The following KDM4C variants were observed in gnomAD, a reference collection of about 807,000 sequenced individuals.
KDM4C encodes lysine-specific demethylase 4C.
KDM4C carries 81 observed loss-of-function variants against 129.3 expected under a neutral mutation model. The ratio of observed to expected loss-of-function variants is 0.63; its 90% CI spans 0.52 to 0.75. KDM4C has a LOEUF of 0.75. Among genes scored for constraint, KDM4C ranks in the 30% least tolerant of loss-of-function variants. KDM4C has a pLI of 0.00. For missense variants in KDM4C, 1,457 were observed against 1,304.0 expected (o/e 1.12, Z -1.81); for synonymous variants, 573 against 456.1 (o/e 1.26, Z -3.26).
At chr9:6,774,784 A>C (rs1175752529) in intron 1 of KDM4C, among the ~76,000 whole-genome samples, 2 of 152,246 alleles carry the variant, frequency 1.3e-5, no homozygotes, top group African/African-American at 4.8e-5. Context: ...AAGACATGGT[A>C]TAGTTCTATG....
intron 8 of KDM4C, among the ~76,000 whole-genome samples, chr9:6,909,196 C>T (rs553122316): frequency 1.3e-5 from 2 of 152,282 alleles, no homozygotes; most frequent in Admixed American, 1.3e-4. Context: ...TATGGATAGG[C>T]AGAGAGAGGG....
Position 6,758,064 on chromosome 9 carries a change from T to C in KDM4C, c.-157T>C. 1.0e-6 allele frequency: 1 copy of C among 985,150 alleles called. No individual in the cohort carries two copies. The highest frequency in any genetic ancestry group is 4.7e-5 in the South Asian group (1 of 21,260). The allele number at this position is 985,150 out of a possible 1,614,324, so 61.0% of individuals were successfully genotyped here. A position where few individuals can be genotyped will look rare whatever the true frequency, so the allele number is the denominator to read the frequency against. The stretch of plus-strand genomic sequence containing the variant: ...CGGCGCAGTGATCGGGCGGCCGGGG[T>C]CCTGTGCGCGTGCGCAGCGAACAGC... On this transcript the variant is annotated 5_prime_UTR_variant, in exon 1 of 22. Coordinates refer to ENST00000381309, the MANE Select transcript of KDM4C (RefSeq NM_015061.6). The surrounding 1 kb of genome is among the most constrained non-coding windows in gnomAD (Gnocchi z 4.6).
At chr9:7,165,529 T>C (rs1844291267) in intron 20 of KDM4C, among the ~76,000 whole-genome samples, 172 bp downstream of exon 20, 2 of 152,248 alleles carry the variant, frequency 1.3e-5, no homozygotes, top group African/African-American at 2.4e-5. Context: ...CCCTGGAGTT[T>C]TATTACCAAG....
At chr9:6,821,930 C>T (rs1024284486) in intron 4 of KDM4C, among the ~76,000 whole-genome samples, 6 of 152,264 alleles carry the variant, frequency 3.9e-5, no homozygotes, top group East Asian at 3.9e-4. Context: ...CTGCTGTGCC[C>T]GGCTGGCCCC....
intron 1 of KDM4C, among the ~76,000 whole-genome samples, chr9:6,772,478 C>T (rs1822069422): frequency 1.3e-5 from 2 of 151,262 alleles, no homozygotes; most frequent in East Asian, 4.1e-4. Context: ...TCTCCTGCCT[C>T]ATCCTCCCAA....
At chr9:6,823,445 A>G (rs1037845188) in intron 4 of KDM4C, among the ~76,000 whole-genome samples, 12 of 152,314 alleles carry the variant, frequency 7.9e-5, no homozygotes, top group African/African-American at 2.6e-4. Context: ...CTTTGATGAT[A>G]GTTTTCTGCA....
At chr9:6,861,718 A>G (rs1038701878) in intron 5 of KDM4C, among the ~76,000 whole-genome samples, 2 of 151,834 alleles carry the variant, frequency 1.3e-5, no homozygotes, top group African/African-American at 4.8e-5. Context: ...TTGAGGAATC[A>G]TGCATAAAGT....
intron 13 of KDM4C, among the ~76,000 whole-genome samples, 191 bp downstream of exon 13, chr9:7,012,070 C>T (rs1184575161): frequency 6.6e-6 from 1 of 152,054 alleles, no homozygotes; most frequent in African/African-American, 2.4e-5. Flanking sequence ...TCTGAAAGTA[C>T]TTTATCTTTT....
chr9:6,754,206 C>A (rs72699608), upstream of KDM4C, among the ~76,000 whole-genome samples: 2 of 150,416 alleles, frequency 1.3e-5, no homozygotes, highest in African/African-American at 4.9e-5. Context: ...GTTTTGTTTT[C>A]TTTTCTTTTT....
chr9:6,871,003 C>G (rs1170693313), intron 5 of KDM4C, among the ~76,000 whole-genome samples: 1 of 152,158 alleles, frequency 6.6e-6, no homozygotes, highest in East Asian at 1.9e-4. Context: ...CCTATGGCAG[C>G]TGCCTGTGAC....
chr9:6,791,301 T>A (rs757855804), intron 1 of KDM4C, among the ~76,000 whole-genome samples: 1 of 152,184 alleles, frequency 6.6e-6, no homozygotes, highest in Non-Finnish European at 1.5e-5. Context: ...TTAGTAGAGA[T>A]GGCGTTTTAC....
chr9:6,831,114 T>G (rs529111878), intron 4 of KDM4C, among the ~76,000 whole-genome samples: 3 of 152,324 alleles, frequency 2.0e-5, no homozygotes, highest in African/African-American at 7.2e-5. Flanking sequence ...TTTTTCTTAT[T>G]TTAATCCACT....
At chr9:6,856,107 G>A (rs1316755756) in intron 5 of KDM4C, among the ~76,000 whole-genome samples, 1 of 151,934 alleles carries the variant, frequency 6.6e-6, no homozygotes, top group Non-Finnish European at 1.5e-5. Flanking sequence ...CTGGCACTTG[G>A]TAGGTACTCA....
intron 5 of KDM4C, among the ~76,000 whole-genome samples, chr9:6,875,529 A>G (rs948725489): frequency 6.6e-6 from 1 of 152,178 alleles, no homozygotes; most frequent in African/African-American, 2.4e-5. Context: ...GTAAGTGGGT[A>G]ATGATACTTA....
intron 6 of KDM4C, among the ~76,000 whole-genome samples, chr9:6,887,374 A>C (rs1845466655): frequency 6.6e-6 from 1 of 152,312 alleles, no homozygotes; most frequent in East Asian, 1.9e-4. Flanking sequence ...TCCTCAAAAC[A>C]CTTCTCCCAT....
At position 7,122,261 on chromosome 9, in the gene KDM4C, A is replaced by ACTCTCTCTCTCTCT. The variant is rs747083483; in HGVS notation, c.2611-5804_2611-5803insTCTCTCTCTCTCTC. ...ATGCCACACACACACACACACACAC[A>ACTCTCTCTCTCTCT]CACACTCTCTCTCTCTCTCTCTCTT... is the stretch of plus-strand genomic sequence containing the variant. On this transcript the variant is annotated intron_variant, in intron 18 of 21. Transcript: ENST00000381309. 3.8e-4 allele frequency among the ~76,000 whole-genome samples: 52 copies of ACTCTCTCTCTCTCT among 137,226 alleles called. 1 individual carries two copies. The highest frequency in any genetic ancestry group is 2.6e-3 in the Admixed American group (36 of 13,736). The allele number at this position is 137,226 out of a possible 152,430, so 90.0% of individuals were successfully genotyped here.
rs183084735 is a variant in KDM4C, at chr9:6,843,490, T to C, written c.436-6017T>C. Among the ~76,000 whole-genome samples, 5 of 152,372 alleles carry C rather than the reference T, an allele frequency of 3.3e-5. No individual in the cohort carries two copies. In the East Asian group the frequency reaches 9.6e-4, roughly 29 times the overall value. ...CTTTCTCCACTTCTGCTAGGAATAA[T>C]GTATTTTCTTGAAAACAGTTTCAGT... On this transcript the variant is annotated intron_variant, in intron 4 of 21. Coordinates refer to ENST00000381309, the MANE Select transcript of KDM4C (RefSeq NM_015061.6).
intron 15 of KDM4C, among the ~76,000 whole-genome samples, chr9:7,020,917 T>TTC (rs1194609220): frequency 6.6e-6 from 1 of 151,352 alleles, no homozygotes; most frequent in Non-Finnish European, 1.5e-5. Flanking sequence ...ATTTTCCTTT[T>TTC]TTTTTTTTTG....
chr9:7,128,068 G>T lies in KDM4C; in HGVS notation c.2613G>T (p.Lys871Asn), dbSNP rs776749136. The change falls in exon 19 of 22, where the codon AAG becomes AAT. Residue 871 changes from lysine to asparagine, a missense_variant and splice_region_variant. Lys to Asn is a moderately conservative substitution (Grantham distance 94). Transcript: ENST00000381309. The stretch of plus-strand genomic sequence containing the variant: ...CTTTTTTGTGTCCCTTCTTTTAGAA[G>T]TCCAAGGCTTGCGAGAAGGTCATTT... ...CFRHKVNPNV[K>N]SKACEKVISV... 7 of 1,551,666 alleles carry T rather than the reference G, an allele frequency of 4.5e-6. No individual in the cohort carries two copies. The highest frequency in any genetic ancestry group is 2.5e-5 in the South Asian group (2 of 79,766).
Sources: allele counts gnomAD v4.1 joint callset (sites outside exome capture counted in the v4.1 genomes callset), GRCh38; gene constraint gnomAD v4.1.1; non-coding constraint Gnocchi (gnomAD v3.1); transcripts MANE v1.5; gene names NCBI Gene and HGNC (gene_info 2026-07-23, HGNC 2026-07-21).